The following OPTN variants were observed in gnomAD, a reference collection of about 807,000 sequenced individuals.
OPTN encodes the protein optineurin.
Under a neutral mutation model 70.4 loss-of-function variants are expected in OPTN, and 54 were observed. The ratio of observed to expected loss-of-function variants is 0.77; its 90% CI spans 0.62 to 0.96. The LOEUF is 0.96. Ranked by LOEUF, OPTN falls within the 40% of genes least tolerant of loss-of-function variation. The pLI is 0.00. For synonymous variants in OPTN, 256 were observed against 248.5 expected, an observed-to-expected ratio of 1.03 and a Z score of -0.28; for missense variants, 624 against 673.2, an observed-to-expected ratio of 0.93 and a Z score of 0.81.
intron 7 of OPTN, among the ~76,000 whole-genome samples, chr10:13,120,570 CAAAAA>C (rs757531804): frequency 1.3e-5 from 1 of 75,440 alleles, no homozygotes. Flanking sequence ...GACTCTGTCT[CAAAAA>C]AAAAAAAAAA....
chr10:13,126,085 A>G (rs1429315209), intron 11 of OPTN, 46 bp downstream of exon 11: 3 of 1,112,504 alleles, frequency 2.7e-6, no homozygotes, highest in Non-Finnish European at 4.1e-6. Context: ...AATGAACAGA[A>G]ACTGTTGAAC....
intron 6 of OPTN, 50 bp downstream of exon 6, chr10:13,116,390 G>A (rs771229256): frequency 4.6e-6 from 6 of 1,308,936 alleles, no homozygotes; most frequent in Non-Finnish European, 6.7e-6. Context: ...GGGCAGGCTC[G>A]TCACTGGGTG....
chr10:13,110,222 G>A (rs989063297), intron 3 of OPTN, 52 bp from the exon 4 acceptor site: 2 of 1,602,478 alleles, frequency 1.2e-6, no homozygotes, highest in Non-Finnish European at 1.7e-6. Flanking sequence ...TGGTTCATCA[G>A]ATCAAGTCCA....
chr10:13,111,921 C>T (rs1462002592), intron 4 of OPTN, among the ~76,000 whole-genome samples: 11 of 138,776 alleles, frequency 7.9e-5, no homozygotes, highest in Non-Finnish European at 1.5e-4. Flanking sequence ...AATCTCGGCT[C>T]ACTGCAAGCT....
chr10:13,117,527 C>T (rs1402961457), intron 6 of OPTN, among the ~76,000 whole-genome samples: 3 of 139,436 alleles, frequency 2.2e-5, no homozygotes, highest in African/African-American at 8.0e-5. Flanking sequence ...CTCACTGCAA[C>T]GTCTGCCTCC....
chr10:13,118,934 T>C lies in OPTN; in HGVS notation c.673T>C (p.Tyr225His). 1 of 1,614,098 alleles carries C rather than the reference T, an allele frequency of 6.2e-7. No individual in the cohort carries two copies. The highest frequency in any genetic ancestry group is 8.5e-7 in the Non-Finnish European group (1 of 1,179,946). ...RSRSADGAKNYFEHEELTVSQ... is the reference protein window; with the variant it reads ...RSRSADGAKNHFEHEELTVSQ... Reference sequence around the variant, plus strand: ...CAGATCTGCAGATGGGGCCAAGAATTACTTCGAACATGAGGAGTTAACTGT... The same window carrying C: ...CAGATCTGCAGATGGGGCCAAGAATCACTTCGAACATGAGGAGTTAACTGT... Residue 225 changes from tyrosine (Y) to histidine (H), a missense_variant, in exon 7 of 15, where the codon TAC (tyrosine) becomes CAC (histidine). By Grantham distance (83) the Tyr-to-His change is moderately conservative (BLOSUM62 2). Coordinates refer to ENST00000378747, the MANE Select transcript of OPTN (RefSeq NM_001008212.2).
chr10:13,109,385 C>T lies in OPTN; in HGVS notation c.166+97C>T, dbSNP rs1020008700. On this transcript the variant is annotated intron_variant, in intron 3 of 14. Coordinates refer to ENST00000378747, the MANE Select transcript of OPTN (RefSeq NM_001008212.2). ...GCTTGGTGGTGAGCTCCCTTCTCCCCGTTTCCATAGGTGGTAGCTGGTGGG... is the reference window on the plus strand; with the variant it reads ...GCTTGGTGGTGAGCTCCCTTCTCCCTGTTTCCATAGGTGGTAGCTGGTGGG... The T allele has an allele frequency of 3.5e-5, 44 of 1,261,114 alleles. No homozygotes were observed. In the African/African-American group the frequency reaches 4.6e-4, roughly 13 times the overall value. The allele number at this position is 1,261,114 out of a possible 1,614,324, so 78.1% of individuals were successfully genotyped here. A position where few individuals can be genotyped will look rare whatever the true frequency, so the allele number is the denominator to read the frequency against.
intron 8 of OPTN, chr10:13,123,220 G>A (rs532873387): frequency 5.2e-5 from 8 of 153,246 alleles, no homozygotes; most frequent in Admixed American, 2.6e-4. Flanking sequence ...GTCTTGTTCA[G>A]TGTTGTCTGG....
At chr10:13,112,719 A>C (rs1588436682) in intron 5 of OPTN, 84 bp downstream of exon 5, 2 of 1,343,242 alleles carry the variant, frequency 1.5e-6, no homozygotes, top group East Asian at 4.6e-5. Context: ...TTTTCTTGTC[A>C]ACACAAGCCA....
intron 5 of OPTN, among the ~76,000 whole-genome samples, chr10:13,115,253 T>TTATATATATTTATAAATATAGA (rs1833148814): frequency 4.7e-4 from 5 of 10,632 alleles, no homozygotes; most frequent in South Asian, 4.6e-3. Context: ...ATATCTATAT[T>TTATATATATTTATAAATATAGA]TATATCTATA....
At chr10:13,125,899 TATG>T (rs746076503) in intron 10 of OPTN, 44 bp from the exon 11 acceptor site, 102 of 1,371,336 alleles carry the variant, frequency 7.4e-5, no homozygotes, top group Non-Finnish European at 1.1e-4. Context: ...TATAAGTTTC[TATG>T]ATATTTTCCC....
chr10:13,133,374 T>C (rs897474703), intron 13 of OPTN, 128 bp from the exon 14 acceptor site: 3 of 758,500 alleles, frequency 4.0e-6, no homozygotes, highest in African/African-American at 3.5e-5. Context: ...AAAATTAGTC[T>C]GGTTTTTATG....
chr10:13,133,419 T>A (rs1443763303), intron 13 of OPTN, 83 bp from the exon 14 acceptor site: 2 of 1,223,862 alleles, frequency 1.6e-6, no homozygotes, highest in African/African-American at 3.0e-5. Flanking sequence ...TTTTTTCCCC[T>A]ACTTCTGTGG....
At chr10:13,121,514 A>T (rs1439148922) in intron 7 of OPTN, among the ~76,000 whole-genome samples, 2 of 149,606 alleles carry the variant, frequency 1.3e-5, no homozygotes, top group Non-Finnish European at 3.0e-5. Flanking sequence ...AAAAAAAAAA[A>T]AAAAAAAAAA....
intron 8 of OPTN, chr10:13,122,830 C>T: frequency 6.4e-6 from 2 of 313,716 alleles, no homozygotes; most frequent in South Asian, 6.1e-5. Flanking sequence ...GTGCCCGTCA[C>T]CACGCCTGGC....
chr10:13,117,362 G>A (rs58505537), intron 6 of OPTN, among the ~76,000 whole-genome samples: 32,654 of 149,152 alleles, frequency 0.22, 4,220 homozygotes, highest in Middle Eastern at 0.41. Context: ...TTACAGGCAT[G>A]AGCCACCGCG....
At chr10:13,125,072 A>G (rs1404966924) in intron 9 of OPTN, among the ~76,000 whole-genome samples, 1 of 152,130 alleles carries the variant, frequency 6.6e-6, no homozygotes, top group Non-Finnish European at 1.5e-5. Context: ...TTTTTTTAAT[A>G]TAAAAGATAT....
At chr10:13,119,192 AT>A in intron 7 of OPTN, 152 bp downstream of exon 7, 1 of 753,914 alleles carries the variant, frequency 1.3e-6, no homozygotes, top group Non-Finnish European at 2.2e-6. Context: ...CTACAATATA[AT>A]TTTAGAACAT....
intron 14 of OPTN, among the ~76,000 whole-genome samples, chr10:13,133,799 A>G (rs1168719639): frequency 6.6e-6 from 1 of 151,544 alleles, no homozygotes; most frequent in Non-Finnish European, 1.5e-5. Flanking sequence ...TGGCACGGCC[A>G]CACTTTTTCT....
Sources: allele counts gnomAD v4.1 joint callset (sites outside exome capture counted in the v4.1 genomes callset), GRCh38; gene constraint gnomAD v4.1.1; transcripts MANE v1.5; gene names NCBI Gene and HGNC (gene_info 2026-07-23, HGNC 2026-07-21).